ICA1L: variants seen among roughly 807,000 people sequenced by gnomAD.
ICA1L encodes islet cell autoantigen 1-like protein.
ICA1L carries 50 observed loss-of-function variants against 61.3 expected under a neutral mutation model. The ratio of observed to expected loss-of-function variants is 0.82; its 90% CI spans 0.65 to 1.03. The LOEUF (loss-of-function observed/expected upper bound fraction) is 1.03, where lower values mean the gene tolerates loss of function less well. Among genes scored for constraint, ICA1L ranks in the 50% least tolerant of loss-of-function variants. The pLI, the probability that ICA1L is intolerant of heterozygous loss-of-function variation, is 0.00. For missense variants in ICA1L, 508 were observed against 556.7 expected, an observed-to-expected ratio of 0.91 and a Z score of 0.88; for synonymous variants, 161 against 191.3, an observed-to-expected ratio of 0.84 and a Z score of 1.31.
intron 1 of ICA1L, among the ~76,000 whole-genome samples, chr2:202,856,002 G>A (rs1321956966): frequency 6.6e-6 from 1 of 151,414 alleles, no homozygotes; most frequent in African/African-American, 2.4e-5. Flanking sequence ...GAATCCGGGA[G>A]GCAGAGGTTG....
intron 9 of ICA1L, among the ~76,000 whole-genome samples, chr2:202,798,992 A>G (rs977124533): frequency 6.6e-6 from 1 of 151,458 alleles, no homozygotes; most frequent in African/African-American, 2.4e-5. Context: ...CATTGTGTAT[A>G]TATACTACTT....
intron 1 of ICA1L, among the ~76,000 whole-genome samples, chr2:202,835,076 G>C (rs1005829987): frequency 6.6e-6 from 1 of 151,846 alleles, no homozygotes; most frequent in African/African-American, 2.4e-5. Context: ...AGTAAAAATT[G>C]TATATATTTA....
chr2:202,852,671 CAAAAAAAAAA>C (rs574400027), intron 1 of ICA1L, among the ~76,000 whole-genome samples: 6 of 42,194 alleles, frequency 1.4e-4, no homozygotes, highest in African/African-American at 8.0e-4. Flanking sequence ...GACTCTGTCT[CAAAAAAAAAA>C]AAAAAAAAAA....
chr2:202,817,198 C>G (rs1321994438), intron 6 of ICA1L, among the ~76,000 whole-genome samples: 1 of 152,096 alleles, frequency 6.6e-6, no homozygotes, highest in South Asian at 2.1e-4. Context: ...GTCCCTAAGT[C>G]TCTCTCTCTC....
chr2:202,804,599 A>G (rs1693174191), intron 9 of ICA1L, among the ~76,000 whole-genome samples: 1 of 152,214 alleles, frequency 6.6e-6, no homozygotes, highest in African/African-American at 2.4e-5. Flanking sequence ...TTTAAAACAC[A>G]TTTCTCAACA....
intron 9 of ICA1L, among the ~76,000 whole-genome samples, chr2:202,803,510 C>T (rs1371298967): frequency 6.6e-6 from 1 of 151,062 alleles, no homozygotes; most frequent in Non-Finnish European, 1.5e-5. Context: ...TTATGCTCTA[C>T]TAATATAAAG....
chr2:202,795,133 A>G (rs1692887630), intron 10 of ICA1L, among the ~76,000 whole-genome samples: 2 of 138,166 alleles, frequency 1.4e-5, no homozygotes, highest in Non-Finnish European at 1.5e-5. Context: ...CTGGGACTAC[A>G]GGCATGCGCC....
In ICA1L at chr2:202,862,272, C is replaced by CCAAAAAAAA. The variant is rs1462555700; in HGVS notation, c.-8+9346_-8+9347insTTTTTTTTG. 2.5e-4 allele frequency among the ~76,000 whole-genome samples: 16 copies of CCAAAAAAAA among 62,976 alleles called. 5 individuals are homozygous for CCAAAAAAAA. Among genetic ancestry groups the CCAAAAAAAA allele is most frequent in the African/African-American group, 5.0e-4 (6 of 12,070 alleles). 41.3% of individuals were successfully genotyped at this position (62,976 alleles called of 152,430 possible). On this transcript the variant is annotated intron_variant, in intron 1 of 12. Coordinates refer to ENST00000358299, the MANE Select transcript of ICA1L (RefSeq NM_001288622.3). ...GCAACACAGTAAGACCTCATTTCTA[C>CCAAAAAAAA]AAAAAAAAAAAAAAAAAAAAAAAAA...
chr2:202,816,102 T>G (rs1307740727), intron 6 of ICA1L, 93 bp from the exon 7 acceptor site: 1 of 711,292 alleles, frequency 1.4e-6, no homozygotes, highest in Admixed American at 3.6e-5. Flanking sequence ...AGATGAACAG[T>G]TGCCAAAAAA....
Position 202,794,533 on chromosome 2 carries a change from G to A in ICA1L, c.985+2357C>T, listed in dbSNP as rs185102910. 6.1e-3 allele frequency among the ~76,000 whole-genome samples: 931 copies of A among 152,116 alleles called. 5 individuals are homozygous for A. The highest frequency in any genetic ancestry group is 9.6e-3 in the Non-Finnish European group (651 of 67,992). ...ACTACTAGTTAACATTGTTCTGAAG[G>A]TAGTAGCCAATGTAATTAAACAAGA... On this transcript the variant is annotated intron_variant, in intron 10 of 12. Transcript: ENST00000358299.
Position 202,811,786 on chromosome 2 carries a change from T to C in ICA1L, c.870A>G (p.Leu290=), listed in dbSNP as rs564449294. The change falls in exon 9 of 13, where the codon CTA becomes CTG. Residue 290 remains leucine, a synonymous_variant. Transcript: ENST00000358299. The part of the protein sequence containing the change: ...GGFLTEQLNK[L]VLSDEEASFE... ...AGCTTGCTTCCTCATCAGACAAAACTAGCCTGAAGTAAAAACAAAAAAAAA... is the reference window on the plus strand; with the variant it reads ...AGCTTGCTTCCTCATCAGACAAAACCAGCCTGAAGTAAAAACAAAAAAAAA... 1.3e-6 allele frequency: 2 copies of C among 1,599,904 alleles called. No individual in the cohort carries two copies. The highest frequency in any genetic ancestry group is 2.2e-5 in the South Asian group (2 of 90,376).
At chr2:202,817,163 A>G (rs1243264317) in intron 6 of ICA1L, among the ~76,000 whole-genome samples, 1 of 152,190 alleles carries the variant, frequency 6.6e-6, no homozygotes, top group East Asian at 1.9e-4. Context: ...TGCCTCTTCA[A>G]CATTCCCCTC....
At chr2:202,812,375 G>A (rs573841414) in intron 8 of ICA1L, among the ~76,000 whole-genome samples, 7 of 152,180 alleles carry the variant, frequency 4.6e-5, no homozygotes, top group South Asian at 4.1e-4. Context: ...TCAGGAATTC[G>A]AGACCAGCCT....
chr2:202,831,131 A>C (rs988890296), intron 1 of ICA1L, among the ~76,000 whole-genome samples: 3 of 152,216 alleles, frequency 2.0e-5, no homozygotes, highest in African/African-American at 7.2e-5. Flanking sequence ...CAAAGTGGCC[A>C]ATTTTCCAGA....
chr2:202,802,517 T>TA (rs1378671485), intron 9 of ICA1L, among the ~76,000 whole-genome samples: 2 of 150,718 alleles, frequency 1.3e-5, no homozygotes, highest in Non-Finnish European at 3.0e-5. Flanking sequence ...CAGCAAAAAT[T>TA]AAAAAATAAA....
intron 9 of ICA1L, among the ~76,000 whole-genome samples, chr2:202,797,720 C>T (rs577689654): frequency 1.3e-5 from 2 of 152,216 alleles, no homozygotes; most frequent in African/African-American, 4.8e-5. Flanking sequence ...TGGGGTTTTG[C>T]CATGTTGGCC....
At chr2:202,819,630 ATTATC>A (rs1266562948) in intron 5 of ICA1L, 66 bp downstream of exon 5, 10 of 1,159,776 alleles carry the variant, frequency 8.6e-6, no homozygotes, top group Non-Finnish European at 1.3e-5. Context: ...CTGAAATTTT[ATTATC>A]TTAATTATTC....
At chr2:202,807,295 A>C (rs1292031855) in intron 9 of ICA1L, among the ~76,000 whole-genome samples, 1 of 152,168 alleles carries the variant, frequency 6.6e-6, no homozygotes, top group Non-Finnish European at 1.5e-5. Context: ...TGGAGAGAGA[A>C]TCTGTACTTG....
intron 1 of ICA1L, among the ~76,000 whole-genome samples, chr2:202,860,837 C>T (rs183550519): frequency 9.9e-5 from 15 of 152,248 alleles, no homozygotes; most frequent in Admixed American, 7.8e-4. Context: ...ACTGCATAAA[C>T]ATTAACTATA....
Sources: gnomAD v4.1 joint callset for allele counts (sites outside exome capture counted in the v4.1 genomes callset) on GRCh38, gnomAD v4.1.1 for gene constraint, MANE v1.5 for transcripts, NCBI Gene and HGNC (gene_info 2026-07-23, HGNC 2026-07-21) for gene names.